The following BEAN1 variants were observed in gnomAD, a reference collection of about 807,000 sequenced individuals.
The protein encoded by BEAN1 is brain expressed associated with NEDD4 1.
In BEAN1, 17 loss-of-function variants were observed where a neutral mutation model predicts 17.7. The observed-to-expected ratio is 0.96, with a 90% CI of 0.66 to 1.44. The LOEUF is 1.44. Ranked by LOEUF, BEAN1 falls within the 40% of genes most tolerant of loss-of-function variation. The probability of loss-of-function intolerance (pLI) is 0.00; values close to 1 mark genes in which losing one functional copy is unlikely to be tolerated. For synonymous variants in BEAN1, 142 were observed against 151.8 expected, an observed-to-expected ratio of 0.94 and a Z score of 0.47; for missense variants, 359 against 374.1, an observed-to-expected ratio of 0.96 and a Z score of 0.33.
chr16:66,465,828 G>C (rs552891321), intron 2 of BEAN1, among the ~76,000 whole-genome samples: 1 of 152,232 alleles, frequency 6.6e-6, no homozygotes, highest in African/African-American at 2.4e-5. Context: ...CCTTACTTTT[G>C]TGTATTTCTT....
chr16:66,444,493 G>A (rs1962372301), intron 2 of BEAN1, among the ~76,000 whole-genome samples: 1 of 152,194 alleles, frequency 6.6e-6, no homozygotes, highest in African/African-American at 2.4e-5. Context: ...GGATGGAGGG[G>A]AGGAAGACAG....
Position 66,469,610 on chromosome 16 carries a change from T to C in BEAN1, c.34T>C (p.Tyr12His), listed in dbSNP as rs1963390848. 2.6e-6 allele frequency: 4 copies of C among 1,535,838 alleles called. No homozygotes were observed. In the South Asian group the frequency reaches 4.8e-5, roughly 18 times the overall value. The change falls in exon 3 of 5, where the codon TAC becomes CAC. Residue 12 changes from tyrosine to histidine, a missense_variant. Physicochemically the swap from Tyr to His is moderately conservative, Grantham distance 83. Coordinates refer to ENST00000536005, the MANE Select transcript of BEAN1 (RefSeq NM_001178020.3). ...TCTCTCTCTGTCCACAGTAGCACGATACAACCGCACCAGCTACTTCTACCC... is the reference window on the plus strand; with the variant it reads ...TCTCTCTCTGTCCACAGTAGCACGACACAACCGCACCAGCTACTTCTACCC... ...SFKRPCPLAR[Y>H]NRTSYFYPTF...
intron 2 of BEAN1, among the ~76,000 whole-genome samples, chr16:66,439,558 G>A (rs1962166768): frequency 6.6e-6 from 1 of 152,124 alleles, no homozygotes; most frequent in African/African-American, 2.4e-5. Context: ...CACTAACAGA[G>A]GCCATCCCTG....
chr16:66,465,418 T>C (rs1203763581), intron 2 of BEAN1, among the ~76,000 whole-genome samples: 2 of 152,236 alleles, frequency 1.3e-5, no homozygotes, highest in Non-Finnish European at 2.9e-5. Context: ...AATGAGTTGA[T>C]AAGTGTTCCC....
At chr16:66,487,530 T>G (rs1345964900), downstream of BEAN1, among the ~76,000 whole-genome samples, 3 of 152,132 alleles carry the variant, frequency 2.0e-5, no homozygotes, top group Non-Finnish European at 4.4e-5. Context: ...TGACAGTAAG[T>G]GCTGAGTTCC....
intron 2 of BEAN1, among the ~76,000 whole-genome samples, chr16:66,444,787 G>A (rs1450022998): frequency 4.6e-5 from 7 of 152,142 alleles, no homozygotes; most frequent in South Asian, 2.1e-4. Flanking sequence ...TGCCATGAGC[G>A]GGAGGTGGGG....
intron 2 of BEAN1, among the ~76,000 whole-genome samples, chr16:66,457,423 C>T (rs150789878): frequency 4.6e-4 from 70 of 152,228 alleles, no homozygotes; most frequent in African/African-American, 1.4e-3. Flanking sequence ...TAATCTGCCC[C>T]GCTCCCAATG....
At chr16:66,445,961 T>C (rs944861419) in intron 2 of BEAN1, among the ~76,000 whole-genome samples, 5 of 152,070 alleles carry the variant, frequency 3.3e-5, no homozygotes, top group African/African-American at 1.2e-4. Flanking sequence ...GGACGATGGA[T>C]CACCTGAGGT....
intron 3 of BEAN1, chr16:66,475,699 G>T (rs575473941): frequency 2.6e-5 from 4 of 152,286 alleles, no homozygotes; most frequent in Non-Finnish European, 1.5e-5. Context: ...GAAACAAATG[G>T]CATTTCAGCT....
rs529061660 is a variant in BEAN1, at chr16:66,444,798, G to A, written c.25+7097G>A. Among the ~76,000 whole-genome samples the A allele has an allele frequency of 2.6e-5, 4 of 152,262 alleles. No homozygotes were observed. In the South Asian group the frequency reaches 8.3e-4, roughly 32 times the overall value. On this transcript the variant is annotated intron_variant, in intron 2 of 4. Coordinates refer to ENST00000536005, the MANE Select transcript of BEAN1 (RefSeq NM_001178020.3). ...TACCTGCCATGAGCGGGAGGTGGGG[G>A]CTTGAGCTAATATGTGCCAAATGCC...
At chr16:66,456,009 T>C (rs1962852857) in intron 2 of BEAN1, among the ~76,000 whole-genome samples, 1 of 152,220 alleles carries the variant, frequency 6.6e-6, no homozygotes, top group Non-Finnish European at 1.5e-5. Context: ...CTTCTTAAGC[T>C]AGTCCCCTCA....
At chr16:66,466,648 C>A (rs1963269824) in intron 2 of BEAN1, among the ~76,000 whole-genome samples, 1 of 152,204 alleles carries the variant, frequency 6.6e-6, no homozygotes, top group South Asian at 2.1e-4. Flanking sequence ...TCACTGCAAC[C>A]TCCGCCTCCC....
At chr16:66,448,958 T>TGTG (rs1403473502) in intron 2 of BEAN1, among the ~76,000 whole-genome samples, 2 of 152,186 alleles carry the variant, frequency 1.3e-5, no homozygotes, top group African/African-American at 4.8e-5. Context: ...TTCAGTGAGC[T>TGTG]ACAATCTTGC....
intron 1 of BEAN1, among the ~76,000 whole-genome samples, chr16:66,433,986 G>A (rs767691600): frequency 2.0e-5 from 3 of 152,208 alleles, no homozygotes; most frequent in South Asian, 2.1e-4. Context: ...AGATATTCCC[G>A]GAGCGGGGAC....
intron 4 of BEAN1, among the ~76,000 whole-genome samples, chr16:66,488,823 TC>T (rs1005184534): frequency 2.0e-5 from 3 of 152,068 alleles, no homozygotes. Context: ...AAATGAATTC[TC>T]CCCAAAGGAA....
intron 2 of BEAN1, among the ~76,000 whole-genome samples, chr16:66,453,563 T>C (rs1272856353): frequency 6.6e-6 from 1 of 152,132 alleles, no homozygotes; most frequent in Non-Finnish European, 1.5e-5. Flanking sequence ...GATCTCACTA[T>C]GTTGCCCAAG....
rs1962076923 is a variant in BEAN1 at position 66,437,578 on chromosome 16, T to A, written c.-82-17T>A. 13 of 1,387,286 alleles carry A rather than the reference T, an allele frequency of 9.4e-6. No individual in the cohort carries two copies. The South Asian group carries it at 1.3e-4, about 14-fold the overall frequency. The allele number at this position is 1,387,286 out of a possible 1,614,324, so 85.9% of individuals were successfully genotyped here. On this transcript the variant is annotated splice_polypyrimidine_tract_variant and intron_variant, in intron 1 of 4. Transcript: ENST00000536005. Reference sequence around the variant, plus strand: ...CGCCATGGGCCCCCCAACACCTGCCTGTTTGTGTCTCCGCAGGTGAGTGGA... The same window carrying A: ...CGCCATGGGCCCCCCAACACCTGCCAGTTTGTGTCTCCGCAGGTGAGTGGA...
chr16:66,465,403 T>G (rs567099039), intron 2 of BEAN1, among the ~76,000 whole-genome samples: 59 of 152,356 alleles, frequency 3.9e-4, no homozygotes, highest in African/African-American at 1.4e-3. Flanking sequence ...ATGCTGGCCT[T>G]ATAGAATGAG....
Position 66,460,334 on chromosome 16 carries a change from A to C in BEAN1, c.26-9268A>C, listed in dbSNP as rs1274062218. ...AGATTAAATGAGAGAAGCATGCATG[A>C]AAAGAGTTTAGAGCCTGATGGATGT... is the stretch of plus-strand genomic sequence containing the variant. On this transcript the variant is annotated intron_variant, in intron 2 of 4. Coordinates refer to ENST00000536005, the MANE Select transcript of BEAN1 (RefSeq NM_001178020.3). Among the ~76,000 whole-genome samples the C allele has an allele frequency of 7.2e-5, 11 of 152,346 alleles. No individual in the cohort carries two copies. The East Asian group carries it at 2.1e-3, about 29-fold the overall frequency.
Sources: allele counts gnomAD v4.1 joint callset (sites outside exome capture counted in the v4.1 genomes callset), GRCh38; gene constraint gnomAD v4.1.1; transcripts MANE v1.5; gene names NCBI Gene and HGNC (gene_info 2026-07-23, HGNC 2026-07-21).